The following PRPSAP2 variants were observed in gnomAD, a reference collection of about 807,000 sequenced individuals.
The protein encoded by PRPSAP2 is phosphoribosyl pyrophosphate synthetase associated protein 2.
PRPSAP2 carries 24 observed loss-of-function variants against 40.6 expected under a neutral mutation model. That is an observed-to-expected ratio of 0.59 (90% CI 0.43 to 0.83). The LOEUF (loss-of-function observed/expected upper bound fraction) is 0.83. Ranked by LOEUF, PRPSAP2 falls within the 40% of genes least tolerant of loss-of-function variation. The pLI, the probability that PRPSAP2 is intolerant of heterozygous loss-of-function variation, is 0.00. For synonymous variants in PRPSAP2, 149 were observed against 164.7 expected (o/e 0.90, Z 0.73); for missense variants, 292 against 465.6 (o/e 0.63, Z 3.43).
intron 8 of PRPSAP2, among the ~76,000 whole-genome samples, chr17:18,890,764 G>T (rs2039496160): frequency 6.7e-6 from 1 of 150,042 alleles, no homozygotes; most frequent in Non-Finnish European, 1.5e-5. Context: ...CTTCATAGTT[G>T]TTTACTGCCC....
At chr17:18,917,112 ATCT>A (rs1311862018) in intron 9 of PRPSAP2, among the ~76,000 whole-genome samples, 1 of 152,042 alleles carries the variant, frequency 6.6e-6, no homozygotes, top group East Asian at 1.9e-4. Context: ...CCTTAATAAC[ATCT>A]TCTTAATTAA....
Position 18,865,893 on chromosome 17 carries a change from G to C in PRPSAP2, c.60G>C (p.Leu20=). ...ETKMNITKGG[L]VLFSANSNSS... The stretch of plus-strand genomic sequence containing the variant: ...AGATGAACATAACCAAAGGTGGTCT[G>C]GTGTTGTTTTCAGCAAACTCGAATT... The change falls in exon 3 of 12, where the codon CTG becomes CTC. Residue 20 remains leucine, a synonymous_variant. Coordinates refer to ENST00000268835, the MANE Select transcript of PRPSAP2 (RefSeq NM_002767.4). 6.5e-7 allele frequency: 1 copy of C among 1,543,264 alleles called. No homozygotes were observed. The highest frequency in any genetic ancestry group is 1.3e-5 in the South Asian group (1 of 79,174).
At chr17:18,883,427 G>GGGA (rs2038905234) in intron 7 of PRPSAP2, among the ~76,000 whole-genome samples, 1 of 148,536 alleles carries the variant, frequency 6.7e-6, no homozygotes, top group Non-Finnish European at 1.5e-5. Flanking sequence ...TTGGTGGGGG[G>GGGA]TGTGATGGAG....
chr17:18,856,421 T>G (rs1312987534), upstream of PRPSAP2: 3 of 152,100 alleles, frequency 2.0e-5, no homozygotes, highest in African/African-American at 4.8e-5. Flanking sequence ...TGAAGAGGAA[T>G]CAATTTTGGT....
At chr17:18,871,455 TC>T (rs1305337218) in intron 4 of PRPSAP2, among the ~76,000 whole-genome samples, 4 of 152,196 alleles carry the variant, frequency 2.6e-5, no homozygotes, top group African/African-American at 9.7e-5. Flanking sequence ...TCCGTTTTCT[TC>T]CTGTGACAGT....
chr17:18,921,192 T>C (rs776151457), intron 9 of PRPSAP2, among the ~76,000 whole-genome samples: 2 of 151,954 alleles, frequency 1.3e-5, no homozygotes, highest in Non-Finnish European at 2.9e-5. Context: ...TAATTTGGGG[T>C]TTTTATGTTT....
rs148226491 is a variant in PRPSAP2, at chr17:18,867,164, A to G, written c.120-118A>G. 1.3e-3 allele frequency: 1,362 copies of G among 1,062,588 alleles called. 10 individuals are homozygous for G. Among genetic ancestry groups the G allele is most frequent in the Middle Eastern group, 5.8e-3 (25 of 4,294 alleles). The allele number at this position is 1,062,588 out of a possible 1,614,324, so 65.8% of individuals were successfully genotyped here. On this transcript the variant is annotated intron_variant, in intron 3 of 11. Transcript: ENST00000268835. The stretch of plus-strand genomic sequence containing the variant: ...CAATTTAATGTTGACTTTAAATTTT[A>G]TAAGAAGAATAACTTTATTTTATTT...
chr17:18,863,367 C>T (rs146385010), intron 1 of PRPSAP2, among the ~76,000 whole-genome samples: 13 of 151,226 alleles, frequency 8.6e-5, no homozygotes, highest in African/African-American at 2.7e-4. Context: ...CTGGGATTAG[C>T]GGTGTGAGTT....
chr17:18,913,905 G>A (rs1171828094), intron 9 of PRPSAP2, among the ~76,000 whole-genome samples: 1 of 151,546 alleles, frequency 6.6e-6, no homozygotes, highest in Non-Finnish European at 1.5e-5. Flanking sequence ...GCTGGGCGCG[G>A]CGGCTCACAC....
chr17:18,868,648 C>T (rs1476932808), intron 4 of PRPSAP2, among the ~76,000 whole-genome samples: 1 of 151,984 alleles, frequency 6.6e-6, no homozygotes, highest in Non-Finnish European at 1.5e-5. Flanking sequence ...TGTGTGCCTA[C>T]CAGTTTTTGG....
At position 18,893,594 on chromosome 17, in the gene PRPSAP2, A is replaced by AG. The variant is rs899104017; in HGVS notation, c.584+3717_584+3718insG. On this transcript the variant is annotated intron_variant, in intron 8 of 11. Transcript: ENST00000268835. ...ATATAGTGAGACCTCGTTTTTAAGA[A>AG]AAAAAAAAACATTAACTGGATGTGG... is the stretch of plus-strand genomic sequence containing the variant. 1.5e-3 allele frequency among the ~76,000 whole-genome samples: 225 copies of AG among 150,594 alleles called. 3 individuals are homozygous for AG. The highest frequency in any genetic ancestry group is 0.013 in the Admixed American group (200 of 15,110).
rs1233546866 is a variant in PRPSAP2 at position 18,930,757 on chromosome 17, T to G, written c.*59T>G. 6 of 1,445,800 alleles carry G rather than the reference T, an allele frequency of 4.1e-6. No individual in the cohort carries two copies. The highest frequency in any genetic ancestry group is 5.7e-6 in the Non-Finnish European group (6 of 1,059,646). The allele number at this position is 1,445,800 out of a possible 1,614,324, so 89.6% of individuals were successfully genotyped here. On this transcript the variant is annotated 3_prime_UTR_variant, in exon 12 of 12. Coordinates refer to ENST00000268835, the MANE Select transcript of PRPSAP2 (RefSeq NM_002767.4). Reference sequence around the variant, plus strand: ...TGGAAACATAAGAGTGACTGCTCGGTGGGATGGATTTCACAGGAACCGTCA... The same window carrying G: ...TGGAAACATAAGAGTGACTGCTCGGGGGGATGGATTTCACAGGAACCGTCA...
chr17:18,919,094 T>C (rs2041538646), intron 9 of PRPSAP2, among the ~76,000 whole-genome samples: 1 of 152,138 alleles, frequency 6.6e-6, no homozygotes, highest in Non-Finnish European at 1.5e-5. Context: ...GGCCAGGTAC[T>C]TTGGCGCACT....
rs2042217813 is a variant in PRPSAP2, at chr17:18,930,773, G to A, written c.*75G>A. ...ACTGCTCGGTGGGATGGATTTCACA[G>A]GAACCGTCATGCTTGTTCCTCCCTC... On this transcript the variant is annotated 3_prime_UTR_variant, in exon 12 of 12. Transcript: ENST00000268835. 7.4e-7 allele frequency: 1 copy of A among 1,356,922 alleles called. No homozygotes were observed. Among genetic ancestry groups the A allele is most frequent in the Non-Finnish European group, 1.0e-6 (1 of 997,300 alleles). 84.1% of individuals were successfully genotyped at this position (1,356,922 alleles called of 1,614,324 possible).
chr17:18,878,714 C>T (rs1032981407), intron 6 of PRPSAP2, among the ~76,000 whole-genome samples: 1 of 152,056 alleles, frequency 6.6e-6, no homozygotes, highest in Non-Finnish European at 1.5e-5. Flanking sequence ...TGCGCCACCA[C>T]GCCCGGCTAA....
chr17:18,912,715 C>T (rs749260649), intron 9 of PRPSAP2, among the ~76,000 whole-genome samples: 8 of 152,174 alleles, frequency 5.3e-5, no homozygotes, highest in Non-Finnish European at 8.8e-5. Flanking sequence ...GTGGGACAGA[C>T]ATTGGATAGA....
intron 8 of PRPSAP2, among the ~76,000 whole-genome samples, chr17:18,910,823 G>A (rs753359780): frequency 2.0e-5 from 3 of 152,278 alleles, no homozygotes; most frequent in South Asian, 2.1e-4. Flanking sequence ...AGAGCTGAGC[G>A]GAGGTTCCTT....
chr17:18,908,884 C>A, intron 8 of PRPSAP2: 2 of 517,058 alleles, frequency 3.9e-6, no homozygotes, highest in Non-Finnish European at 7.1e-6. Context: ...ATTTTATTTC[C>A]TTTTCCTCCC....
chr17:18,921,718 C>T (rs2041700847), intron 9 of PRPSAP2, among the ~76,000 whole-genome samples: 1 of 151,990 alleles, frequency 6.6e-6, no homozygotes, highest in Non-Finnish European at 1.5e-5. Flanking sequence ...TAGGGTGGTC[C>T]CTTGCAGCAT....
Sources: allele counts gnomAD v4.1 joint callset (sites outside exome capture counted in the v4.1 genomes callset), GRCh38; gene constraint gnomAD v4.1.1; transcripts MANE v1.5; gene names NCBI Gene and HGNC (gene_info 2026-07-23, HGNC 2026-07-21).